The following DENND2B variants were observed in gnomAD, a reference collection of about 807,000 sequenced individuals.
The protein encoded by DENND2B is DENN domain-containing protein 2B.
DENND2B carries 32 observed loss-of-function variants against 116.0 expected under a neutral mutation model. The ratio of observed to expected loss-of-function variants is 0.28; its 90% CI spans 0.21 to 0.37. DENND2B has a LOEUF of 0.37. Among genes scored for constraint, DENND2B ranks in the 10% least tolerant of loss-of-function variants. DENND2B has a pLI of 1.00. For synonymous variants in DENND2B, 588 were observed against 583.9 expected, an observed-to-expected ratio of 1.01 and a Z score of -0.10; for missense variants, 1,276 against 1,477.7, an observed-to-expected ratio of 0.86 and a Z score of 2.24.
At chr11:8,882,079 G>A (rs1459238843) in intron 1 of DENND2B, among the ~76,000 whole-genome samples, 1 of 151,696 alleles carries the variant, frequency 6.6e-6, no homozygotes, top group Non-Finnish European at 1.5e-5. Flanking sequence ...CAATTTAGCT[G>A]ATATTGCCAA....
At chr11:8,807,663 T>C (rs1174895239) in intron 1 of DENND2B, among the ~76,000 whole-genome samples, 1 of 152,146 alleles carries the variant, frequency 6.6e-6, no homozygotes, top group Non-Finnish European at 1.5e-5. Flanking sequence ...TACTTTTTAA[T>C]CCTTAAGGAA....
intron 4 of DENND2B, among the ~76,000 whole-genome samples, chr11:8,826,206 C>T (rs927333254): frequency 1.3e-5 from 2 of 152,156 alleles, no homozygotes; most frequent in Non-Finnish European, 2.9e-5. Flanking sequence ...CCCTTTGTCC[C>T]TCCTGCTAGT....
chr11:8,787,296 A>T (rs985104095), intron 1 of DENND2B: 1 of 152,232 alleles, frequency 6.6e-6, no homozygotes, highest in Admixed American at 6.5e-5. Flanking sequence ...AGTAAGTATC[A>T]TCATCCTCAA....
chr11:8,731,197 G>C lies in DENND2B; in HGVS notation c.93C>G (p.Val31=), dbSNP rs1273961246. The C allele has an allele frequency of 6.7e-7, 1 of 1,502,006 alleles. No individual in the cohort carries two copies. Among genetic ancestry groups the C allele is most frequent in the Admixed American group, 2.5e-5 (1 of 40,522 alleles). 93.0% of individuals were successfully genotyped at this position (1,502,006 alleles called of 1,614,324 possible). A position where few individuals can be genotyped will look rare whatever the true frequency, so the allele number is the denominator to read the frequency against. The part of the protein sequence containing the change: ...PRGTLSRSQS[V]SPPPVLSPPR... ...GTGGGGAGAGAACTGGAGGTGGAGA[G>C]ACTGACTGAGACCTGGGGGCAAAAC... Residue 31 remains valine, a synonymous_variant, in exon 3 of 20, where the codon GTC becomes GTG. Coordinates refer to ENST00000313726, the MANE Select transcript of DENND2B (RefSeq NM_213618.2).
At chr11:8,837,141 A>C (rs1472394936) in intron 4 of DENND2B, among the ~76,000 whole-genome samples, 1 of 149,368 alleles carries the variant, frequency 6.7e-6, no homozygotes, top group Non-Finnish European at 1.5e-5. Flanking sequence ...TAACTGGAAC[A>C]AAAAAAAAAG....
intron 1 of DENND2B, among the ~76,000 whole-genome samples, chr11:8,802,540 G>A (rs1309593501): frequency 6.6e-6 from 1 of 152,074 alleles, no homozygotes; most frequent in East Asian, 1.9e-4. Context: ...GGTGGCAGAG[G>A]CAGAATTTGA....
chr11:8,817,592 G>C (rs1012002819), intron 4 of DENND2B, among the ~76,000 whole-genome samples: 1 of 152,010 alleles, frequency 6.6e-6, no homozygotes, highest in Non-Finnish European at 1.5e-5. Flanking sequence ...AATTCTTCTA[G>C]ACCCCACAGC....
At chr11:8,757,806 G>A (rs1166489154) in intron 1 of DENND2B, among the ~76,000 whole-genome samples, 1 of 152,180 alleles carries the variant, frequency 6.6e-6, no homozygotes, top group Non-Finnish European at 1.5e-5. Context: ...TGACCAGGTG[G>A]CCTGCACCAG....
chr11:8,903,367 A>T (rs1459770728), intron 1 of DENND2B, among the ~76,000 whole-genome samples: 2 of 150,610 alleles, frequency 1.3e-5, no homozygotes, highest in African/African-American at 4.9e-5. Flanking sequence ...TAGTGAGCTG[A>T]GATTGCACTA....
chr11:8,897,631 C>A (rs968022300), intron 1 of DENND2B, among the ~76,000 whole-genome samples: 1 of 152,178 alleles, frequency 6.6e-6, no homozygotes, highest in Non-Finnish European at 1.5e-5. Flanking sequence ...CATAGTGGAA[C>A]CTGATACCCT....
chr11:8,804,220 C>A (rs985529669), intron 1 of DENND2B, among the ~76,000 whole-genome samples: 3 of 152,226 alleles, frequency 2.0e-5, no homozygotes, highest in Non-Finnish European at 4.4e-5. Flanking sequence ...CTCTCAAGTA[C>A]CTTCCTAACG....
intron 4 of DENND2B, chr11:8,718,406 C>T (rs1447490757): frequency 5.9e-6 from 9 of 1,531,650 alleles, no homozygotes; most frequent in African/African-American, 1.4e-5. Context: ...GGGAGCAGGG[C>T]TTCGCCAGGC....
intron 1 of DENND2B, among the ~76,000 whole-genome samples, chr11:8,758,816 C>T (rs1156809613): frequency 1.3e-5 from 2 of 152,188 alleles, no homozygotes; most frequent in South Asian, 2.1e-4. Flanking sequence ...AACCTGACCT[C>T]CCAACCAGCA....
At chr11:8,704,705 T>C (rs778042663) in intron 13 of DENND2B, among the ~76,000 whole-genome samples, 6 of 152,302 alleles carry the variant, frequency 3.9e-5, no homozygotes, top group South Asian at 4.1e-4. Context: ...TTTTGACATA[T>C]GTATTTTTTT....
At chr11:8,835,256 T>C (rs530089454) in intron 4 of DENND2B, among the ~76,000 whole-genome samples, 2 of 152,050 alleles carry the variant, frequency 1.3e-5, no homozygotes, top group Non-Finnish European at 2.9e-5. Flanking sequence ...AACAAACAAA[T>C]AAATAATAAT....
intron 3 of DENND2B, among the ~76,000 whole-genome samples, chr11:8,727,476 C>G (rs2047270281): frequency 6.6e-6 from 1 of 152,198 alleles, no homozygotes; most frequent in Admixed American, 6.5e-5. Flanking sequence ...TTTTCAGACT[C>G]TTGTGAGGGG....
chr11:8,885,901 T>G (rs2134734656), intron 1 of DENND2B, among the ~76,000 whole-genome samples: 1 of 152,284 alleles, frequency 6.6e-6, no homozygotes, highest in Middle Eastern at 3.4e-3. Flanking sequence ...GAGAGACTAA[T>G]GTGAACAATA....
chr11:8,846,937 C>T (rs963755213), intron 3 of DENND2B, among the ~76,000 whole-genome samples: 4 of 152,264 alleles, frequency 2.6e-5, no homozygotes, highest in Non-Finnish European at 4.4e-5. Flanking sequence ...CAATGCTTTA[C>T]TGTGCGGGAC....
intron 3 of DENND2B, among the ~76,000 whole-genome samples, chr11:8,843,012 CT>C (rs35110123): frequency 0.4 from 58,254 of 146,410 alleles, 11,714 homozygotes; most frequent in East Asian, 0.48. Context: ...TAGAGTTGCT[CT>C]TCTTTTCTCT....
Sources: allele counts gnomAD v4.1 joint callset (sites outside exome capture counted in the v4.1 genomes callset), GRCh38; gene constraint gnomAD v4.1.1; transcripts MANE v1.5; gene names NCBI Gene and HGNC (gene_info 2026-07-23, HGNC 2026-07-21).